Variants in RPS6KA2 observed in about 807,000 individuals in gnomAD.
RPS6KA2 encodes the protein ribosomal protein S6 kinase alpha-2.
RPS6KA2 carries 42 observed loss-of-function variants against 91.8 expected under a neutral mutation model. That is an observed-to-expected ratio of 0.46 (90% CI 0.36 to 0.59). The LOEUF (loss-of-function observed/expected upper bound fraction) is 0.59. Ranked by LOEUF, RPS6KA2 falls within the 20% of genes least tolerant of loss-of-function variation. The probability of loss-of-function intolerance (pLI) is 0.00; values close to 1 mark genes in which losing one functional copy is unlikely to be tolerated. For synonymous variants in RPS6KA2, 414 were observed against 393.6 expected (o/e 1.05, Z -0.61); for missense variants, 798 against 978.5 (o/e 0.82, Z 2.46).
Position 166,650,989 on chromosome 6 carries a change from A to C in RPS6KA2, c.124-112205T>G, listed in dbSNP as rs1404928966. On this transcript the variant is annotated intron_variant, in intron 2 of 21. Coordinates refer to the RPS6KA2 transcript ENST00000503859. ...TAAAATTATGGCCATGGACAGCTCC[A>C]TGCAAAGGTCCCCTGACTACAAGGA... Among the ~76,000 whole-genome samples, 18 of 152,142 alleles carry C rather than the reference A, an allele frequency of 1.2e-4. 1 individual carries two copies.
chr6:166,719,445 A>T (rs1790109381), intron 2 of RPS6KA2, among the ~76,000 whole-genome samples: 1 of 152,240 alleles, frequency 6.6e-6, no homozygotes, highest in Admixed American at 6.5e-5. Flanking sequence ...GTTTGATATC[A>T]ATGAGAGCTT....
upstream of RPS6KA2, chr6:166,627,321 C>G (rs1265435503): frequency 2.7e-6 from 2 of 750,302 alleles, no homozygotes; most frequent in East Asian, 2.5e-4. Flanking sequence ...GCCCGCCGCT[C>G]CGCGCCCCGG....
chr6:166,532,669 G>C (rs766449959), intron 2 of RPS6KA2, among the ~76,000 whole-genome samples: 18 of 152,254 alleles, frequency 1.2e-4, no homozygotes, highest in Non-Finnish European at 1.6e-4. Flanking sequence ...GGTGCAGGAC[G>C]GTACAGCATC....
Position 166,464,914 on chromosome 6 carries a change from G to A in RPS6KA2, c.972+4927C>T, listed in dbSNP as rs575810297. Among the ~76,000 whole-genome samples the A allele has an allele frequency of 6.6e-5, 10 of 152,304 alleles. No homozygotes were observed. The East Asian group carries it at 1.7e-3, about 26-fold the overall frequency. On this transcript the variant is annotated intron_variant, in intron 11 of 20. Transcript: ENST00000265678. ...CACCTCCACCGTCCCCACACTTACT[G>A]TCAGCAGATGGGTCCTGCTCCAGCA... is the stretch of plus-strand genomic sequence containing the variant.
At chr6:166,546,199 T>C (rs557129487) in intron 1 of RPS6KA2, among the ~76,000 whole-genome samples, 1 of 152,168 alleles carries the variant, frequency 6.6e-6, no homozygotes, top group Non-Finnish European at 1.5e-5. Context: ...TGTATTAAGA[T>C]GCACAGGAAC....
intron 2 of RPS6KA2, among the ~76,000 whole-genome samples, chr6:166,838,975 G>A (rs925380456): frequency 6.6e-6 from 1 of 152,178 alleles, no homozygotes; most frequent in Non-Finnish European, 1.5e-5. Flanking sequence ...TGCAGGAAAG[G>A]GCCGTGAGCA....
chr6:166,786,502 AT>A (rs59568525), intron 2 of RPS6KA2, among the ~76,000 whole-genome samples: 32,023 of 151,490 alleles, frequency 0.21, 4,072 homozygotes, highest in African/African-American at 0.36. Flanking sequence ...AAAAAAAAAA[AT>A]TCTGATTGCA....
At chr6:166,503,399 T>C (rs1310083506) in intron 6 of RPS6KA2, among the ~76,000 whole-genome samples, 1 of 152,236 alleles carries the variant, frequency 6.6e-6, no homozygotes, top group Non-Finnish European at 1.5e-5. Context: ...CAACACCAGC[T>C]TCGGAGCAGG....
intron 1 of RPS6KA2, among the ~76,000 whole-genome samples, chr6:166,618,923 G>C (rs555654585): frequency 1.3e-5 from 2 of 152,354 alleles, no homozygotes; most frequent in East Asian, 1.9e-4. Flanking sequence ...GACGCTGCGC[G>C]CAAGAGCCCT....
intron 2 of RPS6KA2, among the ~76,000 whole-genome samples, chr6:166,677,362 GTTTT>G (rs199505387): frequency 7.1e-6 from 1 of 141,332 alleles, no homozygotes; most frequent in Non-Finnish European, 1.6e-5. Flanking sequence ...GTTCATATCA[GTTTT>G]TTTTTTTTTT....
chr6:166,444,793 T>C (rs971130528), intron 14 of RPS6KA2, among the ~76,000 whole-genome samples: 8 of 152,234 alleles, frequency 5.3e-5, no homozygotes, highest in African/African-American at 1.9e-4. Context: ...TGCTCTAAGC[T>C]GGGCACTGTG....
intron 2 of RPS6KA2, among the ~76,000 whole-genome samples, chr6:166,727,681 C>T (rs35250486): frequency 6.6e-6 from 1 of 152,170 alleles, no homozygotes; most frequent in South Asian, 2.1e-4. Flanking sequence ...CACCAGCACC[C>T]TAAGTCACCA....
chr6:166,808,645 A>G (rs1166419407), intron 2 of RPS6KA2, among the ~76,000 whole-genome samples: 1 of 152,248 alleles, frequency 6.6e-6, no homozygotes, highest in Non-Finnish European at 1.5e-5. Flanking sequence ...CCACGTGTTC[A>G]GTATTGACCA....
chr6:166,577,023 G>A (rs1038721014), intron 1 of RPS6KA2, among the ~76,000 whole-genome samples: 6 of 152,296 alleles, frequency 3.9e-5, no homozygotes, highest in East Asian at 3.9e-4. Context: ...GGTACAGCTC[G>A]GGCTGTTGCT....
intron 2 of RPS6KA2, among the ~76,000 whole-genome samples, chr6:166,709,049 G>A (rs1391503088): frequency 6.6e-6 from 1 of 152,160 alleles, no homozygotes; most frequent in East Asian, 1.9e-4. Context: ...AGCCTGCAGT[G>A]GGGTTCCATA....
chr6:166,752,387 T>C (rs1404672429), intron 2 of RPS6KA2, among the ~76,000 whole-genome samples: 1 of 152,010 alleles, frequency 6.6e-6, no homozygotes, highest in African/African-American at 2.4e-5. Context: ...CACACTGAAG[T>C]CTAGAGAGGC....
intron 13 of RPS6KA2, among the ~76,000 whole-genome samples, chr6:166,449,641 A>G (rs950021736): frequency 9.9e-5 from 15 of 152,142 alleles, no homozygotes; most frequent in African/African-American, 3.6e-4. Context: ...CACACAGTGA[A>G]GATGCTCCAG....
In RPS6KA2 at chr6:166,726,128, G is replaced by T; in HGVS notation, c.123+132072C>A. ...AATGCCCTTAGGCTACAATATAGAAGATTTTTTTTTTTTTTTAGTTTAAAA... is the reference window on the plus strand; with the variant it reads ...AATGCCCTTAGGCTACAATATAGAATATTTTTTTTTTTTTTTAGTTTAAAA... On this transcript the variant is annotated intron_variant, in intron 2 of 21. Transcript: ENST00000503859. The surrounding 1 kb of genome is among the most constrained non-coding windows in gnomAD (Gnocchi z 4.4). 8.5e-6 allele frequency among the ~76,000 whole-genome samples: 1 copy of T among 117,798 alleles called. No homozygotes were observed. Among genetic ancestry groups the T allele is most frequent in the East Asian group, 2.2e-4 (1 of 4,474 alleles). 77.3% of individuals were successfully genotyped at this position (117,798 alleles called of 152,430 possible). A position where few individuals can be genotyped will look rare whatever the true frequency, so the allele number is the denominator to read the frequency against.
At chr6:166,532,350 C>A (rs1783310891) in intron 2 of RPS6KA2, among the ~76,000 whole-genome samples, 1 of 152,212 alleles carries the variant, frequency 6.6e-6, no homozygotes, top group Admixed American at 6.5e-5. Flanking sequence ...TAGACACTTA[C>A]CGAGTGCAGG....
Sources: gnomAD v4.1 joint callset for allele counts (sites outside exome capture counted in the v4.1 genomes callset) on GRCh38, gnomAD v4.1.1 for gene constraint, Gnocchi (gnomAD v3.1) non-coding constraint, MANE v1.5 for transcripts, NCBI Gene and HGNC (gene_info 2026-07-23, HGNC 2026-07-21) for gene names.